SASH1: variants seen among roughly 807,000 people sequenced by gnomAD.
The protein encoded by SASH1 is SAM and SH3 domain-containing protein 1.
A neutral mutation model predicts 125.2 loss-of-function variants in SASH1; 44 were observed. The ratio of observed to expected loss-of-function variants is 0.35; its 90% CI spans 0.28 to 0.45. SASH1 has a LOEUF of 0.45. Among genes scored for constraint, SASH1 ranks in the 20% least tolerant of loss-of-function variants. The pLI is 1.00. For missense variants in SASH1, 1,426 were observed against 1,614.5 expected (o/e 0.88, Z 2.00); for synonymous variants, 639 against 649.1 (o/e 0.98, Z 0.24).
intron 1 of SASH1, among the ~76,000 whole-genome samples, chr6:148,362,030 C>T (rs577828689): frequency 6.7e-6 from 1 of 150,130 alleles, no homozygotes; most frequent in Admixed American, 6.7e-5. Context: ...TCTCCTGCCT[C>T]AGCCTCCCGA....
At chr6:148,381,097 G>A (rs1293156579) in intron 1 of SASH1, among the ~76,000 whole-genome samples, 1 of 152,184 alleles carries the variant, frequency 6.6e-6, no homozygotes, top group East Asian at 1.9e-4. Context: ...GAAAATCACT[G>A]TGCTGTGCAG....
At chr6:148,513,184 A>G (rs965048001) in intron 8 of SASH1, 1 of 985,318 alleles carries the variant, frequency 1.0e-6, no homozygotes, top group Admixed American at 6.1e-5. Flanking sequence ...AAAAGTCTCT[A>G]CATTAGATTT....
chr6:148,287,614 G>A (rs1012785399), intron 1 of SASH1, among the ~76,000 whole-genome samples: 1 of 151,946 alleles, frequency 6.6e-6, no homozygotes, highest in African/African-American at 2.4e-5. Context: ...TCTGTTTTTT[G>A]AGCAGATTGT....
At chr6:148,448,115 A>AGTGTGT (rs34309514) in intron 4 of SASH1, among the ~76,000 whole-genome samples, 164 of 146,922 alleles carry the variant, frequency 1.1e-3, no homozygotes, top group African/African-American at 3.3e-3. Flanking sequence ...CAGTGGAGAG[A>AGTGTGT]GTGTGTGTGT....
At chr6:148,430,906 A>T (rs1490605814) in intron 2 of SASH1, among the ~76,000 whole-genome samples, 1 of 152,228 alleles carries the variant, frequency 6.6e-6, no homozygotes, top group Non-Finnish European at 1.5e-5. Context: ...CTTTTAGAGT[A>T]AAAAAGGACC....
intron 4 of SASH1, among the ~76,000 whole-genome samples, chr6:148,459,962 G>T (rs1207550422): frequency 6.6e-6 from 1 of 152,192 alleles, no homozygotes; most frequent in Non-Finnish European, 1.5e-5. Context: ...GCCATTCATT[G>T]TGTGGTGCCA....
intron 7 of SASH1, among the ~76,000 whole-genome samples, chr6:148,481,758 G>A (rs1351033344): frequency 6.6e-6 from 1 of 152,098 alleles, no homozygotes; most frequent in Non-Finnish European, 1.5e-5. Context: ...AACATCCAAG[G>A]TCACGGATCA....
intron 1 of SASH1, among the ~76,000 whole-genome samples, chr6:148,345,370 T>C (rs1011894750): frequency 6.6e-6 from 1 of 152,188 alleles, no homozygotes; most frequent in African/African-American, 2.4e-5. Flanking sequence ...AAACCTGCTA[T>C]TGAAAGGGCA....
At chr6:148,316,797 A>C (rs1780490014) in intron 1 of SASH1, among the ~76,000 whole-genome samples, 1 of 152,232 alleles carries the variant, frequency 6.6e-6, no homozygotes, top group African/African-American at 2.4e-5. Flanking sequence ...TATGATTGCT[A>C]TACAGAGGTG....
chr6:148,323,196 G>A (rs575997389), intron 1 of SASH1, among the ~76,000 whole-genome samples: 1 of 152,170 alleles, frequency 6.6e-6, no homozygotes, highest in South Asian at 2.1e-4. Flanking sequence ...TTTTAGTAGA[G>A]GTGGAGTTTC....
intron 2 of SASH1, among the ~76,000 whole-genome samples, chr6:148,434,940 T>C (rs2495944): frequency 0.89 from 135,174 of 152,218 alleles, 60,210 homozygotes; most frequent in African/African-American, 0.94. Context: ...TGCAGGGGCT[T>C]ATGCCTGTAA....
At chr6:148,400,476 C>G (rs1452792174) in intron 2 of SASH1, among the ~76,000 whole-genome samples, 2 of 152,190 alleles carry the variant, frequency 1.3e-5, no homozygotes, top group Non-Finnish European at 2.9e-5. Context: ...TGGGCTGGGC[C>G]TGGTGGCTCA....
chr6:148,491,780 G>A (rs1583247170), intron 8 of SASH1, among the ~76,000 whole-genome samples: 1 of 152,290 alleles, frequency 6.6e-6, no homozygotes, highest in South Asian at 2.1e-4. Flanking sequence ...AGCCCTGCCT[G>A]GTTTACTTTT....
chr6:148,212,911 C>T, the SASH1 span, among the ~76,000 whole-genome samples: 7 of 152,212 alleles, frequency 4.6e-5, no homozygotes, highest in South Asian at 1.0e-3. Context: ...CCATGCAGTC[C>T]GGTGATGGGG....
chr6:148,268,144 A>G (rs574874935), upstream of SASH1, among the ~76,000 whole-genome samples: 4 of 152,326 alleles, frequency 2.6e-5, no homozygotes, highest in Non-Finnish European at 5.9e-5. Flanking sequence ...GAGATTTGCA[A>G]TGATAAGAAA....
chr6:148,388,454 T>C (rs1783570566), intron 1 of SASH1, among the ~76,000 whole-genome samples: 1 of 152,152 alleles, frequency 6.6e-6, no homozygotes, highest in African/African-American at 2.4e-5. Context: ...AGTGAAGGGG[T>C]GACTTTTGTC....
At chr6:148,272,962 A>G (rs1401717050) in intron 1 of SASH1, among the ~76,000 whole-genome samples, 1 of 152,168 alleles carries the variant, frequency 6.6e-6, no homozygotes, top group Non-Finnish European at 1.5e-5. Context: ...TTAATTAAAA[A>G]AGGGGTTTAT....
At chr6:148,208,739 A>G in the SASH1 span, among the ~76,000 whole-genome samples, 1 of 152,166 alleles carries the variant, frequency 6.6e-6, no homozygotes, top group Non-Finnish European at 1.5e-5. Flanking sequence ...GCCTTTCTAT[A>G]TAAATCAAAT....
intron 1 of SASH1, among the ~76,000 whole-genome samples, chr6:148,286,256 C>T (rs1465141771): frequency 6.6e-6 from 1 of 151,888 alleles, no homozygotes; most frequent in East Asian, 1.9e-4. Flanking sequence ...ATTCCATTAG[C>T]TGGGCGTGGT....
Sources: allele counts gnomAD v4.1 joint callset (sites outside exome capture counted in the v4.1 genomes callset), GRCh38; gene constraint gnomAD v4.1.1; transcripts MANE v1.5; gene names NCBI Gene and HGNC (gene_info 2026-07-23, HGNC 2026-07-21).